The following MPRIP variants were observed in gnomAD, a reference collection of about 807,000 sequenced individuals.
MPRIP encodes the protein myosin phosphatase Rho-interacting protein.
A neutral mutation model predicts 234.9 loss-of-function variants in MPRIP; 59 were observed. The observed-to-expected ratio is 0.25, with a 90% CI of 0.20 to 0.31. MPRIP has a LOEUF of 0.31. Ranked by LOEUF, MPRIP falls within the 10% of genes least tolerant of loss-of-function variation. The pLI, the probability that MPRIP is intolerant of heterozygous loss-of-function variation, is 1.00. For missense variants in MPRIP, 2,436 were observed against 3,071.0 expected (o/e 0.79, Z 4.89); for synonymous variants, 1,144 against 1,263.9 (o/e 0.91, Z 2.01).
In MPRIP at chr17:17,177,416, C is replaced by T. The variant is rs772536743; in HGVS notation, c.7120+4C>T. The T allele has an allele frequency of 1.4e-5, 22 of 1,611,790 alleles. No homozygotes were observed. Among genetic ancestry groups the T allele is most frequent in the Non-Finnish European group, 1.7e-5 (20 of 1,178,738 alleles). ...AGTGCCACGGTGTCCGGATATGGTG[C>T]GTCCTCGGGTCATGCCCTCTCGGTT... is the stretch of plus-strand genomic sequence containing the variant. On this transcript the variant is annotated splice_donor_region_variant and intron_variant, in intron 22 of 23. Coordinates refer to ENST00000651222, the MANE Select transcript of MPRIP (RefSeq NM_001364716.4).
In MPRIP at chr17:17,048,072, ACTGTGTAACTTCAGGCATTGCCT is replaced by A. The variant is rs773306842; in HGVS notation, c.123+5107_123+5129del. 4.3e-3 allele frequency among the ~76,000 whole-genome samples: 648 copies of A among 152,246 alleles called. 2 individuals are homozygous for A. The highest frequency in any genetic ancestry group is 0.014 in the Middle Eastern group (4 of 294). On this transcript the variant is annotated intron_variant, in intron 1 of 23. Transcript: ENST00000651222. Reference sequence around the variant, plus strand: ...GGGGTGATGTCTCTTTCTCCTGCTGACTGTGTAACTTCAGGCATTGCCTCTGTGGAAGGAGCCTGCAAGCCTGT... The same window carrying A: ...GGGGTGATGTCTCTTTCTCCTGCTGACTGTGGAAGGAGCCTGCAAGCCTGT...
intron 14 of MPRIP, among the ~76,000 whole-genome samples, chr17:17,160,831 G>T (rs2045846883): frequency 6.6e-6 from 1 of 152,156 alleles, no homozygotes; most frequent in Non-Finnish European, 1.5e-5. Flanking sequence ...GGACCCCATG[G>T]GGTGCTTCCT....
chr17:17,050,839 G>A (rs2088516700), intron 1 of MPRIP, among the ~76,000 whole-genome samples: 1 of 152,002 alleles, frequency 6.6e-6, no homozygotes. Flanking sequence ...GGTGAGGGCC[G>A]TGGTGGGCAG....
chr17:17,055,025 G>A (rs1400630226), intron 1 of MPRIP, among the ~76,000 whole-genome samples: 1 of 151,734 alleles, frequency 6.6e-6, no homozygotes, highest in Non-Finnish European at 1.5e-5. Flanking sequence ...ACTCCAACCT[G>A]GGTAATAGAA....
At chr17:17,124,654 A>T (rs2090456776) in intron 3 of MPRIP, among the ~76,000 whole-genome samples, 1 of 152,158 alleles carries the variant, frequency 6.6e-6, no homozygotes, top group Non-Finnish European at 1.5e-5. Flanking sequence ...TCCAGTCCTC[A>T]CTGTGGTCCA....
intron 15 of MPRIP, among the ~76,000 whole-genome samples, chr17:17,163,723 T>C (rs1004070925): frequency 1.3e-5 from 2 of 152,218 alleles, no homozygotes; most frequent in African/African-American, 4.8e-5. Flanking sequence ...ACTTTTTGTT[T>C]TGTGAAACAA....
At chr17:17,053,444 T>C (rs2088602285) in intron 1 of MPRIP, among the ~76,000 whole-genome samples, 1 of 152,180 alleles carries the variant, frequency 6.6e-6, no homozygotes, top group African/African-American at 2.4e-5. Flanking sequence ...TACTGGGTTA[T>C]ATGGTGGGTG....
intron 3 of MPRIP, among the ~76,000 whole-genome samples, chr17:17,089,306 C>G (rs1273746738): frequency 6.6e-6 from 1 of 152,206 alleles, no homozygotes; most frequent in African/African-American, 2.4e-5. Context: ...GGAGAATCCC[C>G]TCTCCACTGT....
chr17:17,102,128 T>C (rs914309386), intron 3 of MPRIP, among the ~76,000 whole-genome samples: 1 of 151,940 alleles, frequency 6.6e-6, no homozygotes, highest in Non-Finnish European at 1.5e-5. Context: ...ACTCAAGCAA[T>C]CCTCCTGCCT....
In MPRIP at chr17:17,138,691, C is replaced by G. The variant is rs1000652386; in HGVS notation, c.1250+262C>G. ...CATCAGTGCCTCCTAGGACTGGGAC[C>G]TTAAGGTTCCCTGATGGGTTCTCAG... On this transcript the variant is annotated intron_variant, in intron 7 of 23. Transcript: ENST00000651222. The surrounding 1 kb of genome is among the most constrained non-coding windows in gnomAD (Gnocchi z 5.8). Among the ~76,000 whole-genome samples the G allele has an allele frequency of 5.3e-5, 8 of 152,196 alleles. No homozygotes were observed. Among genetic ancestry groups the G allele is most frequent in the African/African-American group, 1.9e-4 (8 of 41,452 alleles).
chr17:17,109,997 C>A (rs2090138819), intron 3 of MPRIP, among the ~76,000 whole-genome samples: 1 of 152,104 alleles, frequency 6.6e-6, no homozygotes, highest in South Asian at 2.1e-4. Context: ...GAAATGTGTT[C>A]CCCAGTGTTG....
In MPRIP at chr17:17,078,786, C is replaced by T. The variant is rs144374600; in HGVS notation, c.267+710C>T. Among the ~76,000 whole-genome samples, 2,791 of 152,320 alleles carry T rather than the reference C, an allele frequency of 0.018. 53 individuals are homozygous for T. The highest frequency in any genetic ancestry group is 0.048 in the Middle Eastern group (14 of 294). On this transcript the variant is annotated intron_variant, in intron 3 of 23. Transcript: ENST00000651222. This position sits in a 1 kb window ranked among gnomAD's most constrained non-coding sequence, Gnocchi z 4.3. ...TTTCTCTAAAGGAGATTAGTCTCTC[C>T]TAATTAATCTAAAGTAGGACTGCAT...
At chr17:17,118,584 C>A in intron 3 of MPRIP, among the ~76,000 whole-genome samples, 1 of 152,180 alleles carries the variant, frequency 6.6e-6, no homozygotes, top group Non-Finnish European at 1.5e-5. Flanking sequence ...GCCCTTTGAA[C>A]CATGAGGACT....
chr17:17,141,095 C>T (rs970859303), intron 7 of MPRIP, among the ~76,000 whole-genome samples: 5 of 152,220 alleles, frequency 3.3e-5, no homozygotes, highest in African/African-American at 1.2e-4. Flanking sequence ...CACGACTCCT[C>T]TGTCTGGATC....
chr17:17,080,661 C>G (rs1167022665), intron 3 of MPRIP, among the ~76,000 whole-genome samples: 1 of 152,202 alleles, frequency 6.6e-6, no homozygotes, highest in African/African-American at 2.4e-5. Flanking sequence ...AGAACAGCCC[C>G]CAGAACAAGG....
intron 21 of MPRIP, among the ~76,000 whole-genome samples, chr17:17,177,013 C>T (rs1014850828): frequency 7.9e-5 from 12 of 152,232 alleles, no homozygotes; most frequent in African/African-American, 2.7e-4. Flanking sequence ...CTGCCTCCTG[C>T]ACTCACCGGG....
Position 17,164,926 on chromosome 17 carries a change from A to G in MPRIP, c.3335A>G (p.Gln1112Arg). ...TGTGACGAGCGGGACCTCCTCAGAC[A>G]GCGGTTCCAGGAGCTGACAGAGCGC... ...SLCDERDLLRQRFQELTERVA... is the reference protein window; with the variant it reads ...SLCDERDLLRRRFQELTERVA... The change falls in exon 16 of 24, where the codon CAG becomes CGG. Residue 1112 changes from glutamine to arginine, a missense_variant. This residue lies in a region of MPRIP where 1,998 missense variants were observed against 2,520.3 expected (regional missense o/e 0.79). Transcript: ENST00000651222. 1 of 1,303,892 alleles carries G rather than the reference A, an allele frequency of 7.7e-7. No homozygotes were observed. The highest frequency in any genetic ancestry group is 1.0e-6 in the Non-Finnish European group (1 of 988,782). 80.8% of individuals were successfully genotyped at this position (1,303,892 alleles called of 1,614,324 possible).
intron 14 of MPRIP, among the ~76,000 whole-genome samples, chr17:17,159,576 C>T (rs2045817668): frequency 6.6e-6 from 1 of 152,184 alleles, no homozygotes; most frequent in Non-Finnish European, 1.5e-5. Flanking sequence ...TCCACGAGGC[C>T]TTCAGTGCAC....
At chr17:17,055,224 G>T (rs2088657829) in intron 1 of MPRIP, among the ~76,000 whole-genome samples, 1 of 152,118 alleles carries the variant, frequency 6.6e-6, no homozygotes, top group Non-Finnish European at 1.5e-5. Context: ...TCTTTGATGG[G>T]TGTATGAGTT....
Sources: gnomAD v4.1 joint callset for allele counts (sites outside exome capture counted in the v4.1 genomes callset) on GRCh38, gnomAD v4.1.1 for gene constraint, gnomAD v4.1.1 regional missense constraint, Gnocchi (gnomAD v3.1) non-coding constraint, MANE v1.5 for transcripts, NCBI Gene and HGNC (gene_info 2026-07-23, HGNC 2026-07-21) for gene names.